The following PCDHA5 variants were observed in gnomAD, a reference collection of about 807,000 sequenced individuals.
PCDHA5 encodes the protein protocadherin alpha-5.
PCDHA5 carries 43 observed loss-of-function variants against 61.6 expected under a neutral mutation model. The observed-to-expected ratio is 0.70, with a 90% confidence interval of 0.55 to 0.90. The LOEUF (loss-of-function observed/expected upper bound fraction) is 0.90. PCDHA5 is among the 40% of genes least tolerant of loss of function. The probability of loss-of-function intolerance (pLI) is 0.00; values close to 1 mark genes in which losing one functional copy is unlikely to be tolerated. For synonymous variants in PCDHA5, 627 were observed against 543.9 expected (o/e 1.15, Z -2.13); for missense variants, 1,298 against 1,222.7 (o/e 1.06, Z -0.92).
At chr5:140,998,055 T>C (rs2097794971) in intron 3 of PCDHA5, among the ~76,000 whole-genome samples, 1 of 152,190 alleles carries the variant, frequency 6.6e-6, no homozygotes, top group Non-Finnish European at 1.5e-5. Flanking sequence ...AGTGACATCA[T>C]CATCAACAGA....
intron 1 of PCDHA5, chr5:140,862,315 C>G (rs1554156143): frequency 3.2e-6 from 1 of 317,246 alleles, no homozygotes; most frequent in African/African-American, 2.2e-5. Context: ...CCGTCATAGC[C>G]CTAATCAGTG....
intron 1 of PCDHA5, among the ~76,000 whole-genome samples, chr5:140,915,885 G>A (rs1487160672): frequency 6.6e-6 from 1 of 152,204 alleles, no homozygotes; most frequent in Admixed American, 6.5e-5. Context: ...AGGGTAGCAA[G>A]TTCCCCCTGG....
At chr5:140,872,883 A>G (rs1249618014) in intron 1 of PCDHA5, among the ~76,000 whole-genome samples, 1 of 152,204 alleles carries the variant, frequency 6.6e-6, no homozygotes, top group Non-Finnish European at 1.5e-5. Flanking sequence ...AGTTTCATTC[A>G]TCTCACTTTG....
chr5:140,869,511 A>G, intron 1 of PCDHA5: 1 of 1,614,194 alleles, frequency 6.2e-7, no homozygotes, highest in Non-Finnish European at 8.5e-7. Context: ...TCTCGCTCAG[A>G]GAACAAAAGC....
At chr5:140,882,180 AG>A (rs2058993159) in intron 1 of PCDHA5, 1 of 1,518,026 alleles carries the variant, frequency 6.6e-7, no homozygotes. Flanking sequence ...CTTCCGCACT[AG>A]GAAGCCATAA....
In PCDHA5 at chr5:140,851,034, C is replaced by T. The variant is rs2041932722; in HGVS notation, c.2352+26907C>T. On this transcript the variant is annotated intron_variant, in intron 1 of 3. Coordinates refer to ENST00000529859, the MANE Select transcript of PCDHA5 (RefSeq NM_018908.3). ...TTTTCTGATAAAGTAAACCCCTTAA[C>T]ATTGGAGCCGACTTTGTCTTGACTT... The T allele has an allele frequency of 3.1e-5, 44 of 1,402,710 alleles. 5 individuals are homozygous for T. Among genetic ancestry groups the T allele is most frequent in the Non-Finnish European group, 4.0e-5 (43 of 1,068,930 alleles). 86.9% of individuals were successfully genotyped at this position (1,402,710 alleles called of 1,614,324 possible).
intron 1 of PCDHA5, chr5:140,835,598 T>C (rs2150239108): frequency 2.1e-5 from 34 of 1,613,804 alleles, no homozygotes; most frequent in African/African-American, 4.0e-5. Flanking sequence ...AGAATTACTA[T>C]TCATTGGTGC....
At chr5:140,835,721 C>T (rs2150243026) in intron 1 of PCDHA5, 10 of 1,613,816 alleles carry the variant, frequency 6.2e-6, no homozygotes, top group Non-Finnish European at 8.5e-6. Context: ...TGGAGGTGGC[C>T]GACGTGAACG....
intron 3 of PCDHA5, 128 bp downstream of exon 3, chr5:140,982,691 C>T: frequency 7.1e-7 from 1 of 1,408,152 alleles, no homozygotes; most frequent in Non-Finnish European, 9.3e-7. Context: ...TTTTTCCATA[C>T]ATACATGATT....
At chr5:140,836,443 C>A (rs1774486364) in intron 1 of PCDHA5, 5 of 1,613,726 alleles carry the variant, frequency 3.1e-6, no homozygotes, top group African/African-American at 1.3e-5. Flanking sequence ...TTGGGCATTG[C>A]AGGCCCAGAG....
chr5:140,926,921 G>A (rs1554203799), intron 1 of PCDHA5: 3 of 1,571,110 alleles, frequency 1.9e-6, no homozygotes, highest in African/African-American at 2.7e-5. Flanking sequence ...GCAGTTTTAT[G>A]TTTGTGGGTT....
chr5:140,884,003 G>A, intron 1 of PCDHA5: 4 of 1,613,086 alleles, frequency 2.5e-6, no homozygotes, highest in African/African-American at 1.3e-5. Flanking sequence ...CACAGTGAGC[G>A]AGCTGATGCC....
intron 1 of PCDHA5, among the ~76,000 whole-genome samples, chr5:140,912,895 A>G (rs781884731): frequency 4.6e-5 from 7 of 152,212 alleles, no homozygotes; most frequent in Non-Finnish European, 1.0e-4. Context: ...TGTTGATATG[A>G]TGTATCATAT....
Position 140,848,795 on chromosome 5 carries a change from G to A in PCDHA5, c.2352+24668G>A. 3 of 1,592,816 alleles carry A rather than the reference G, an allele frequency of 1.9e-6. 1 individual carries two copies. Among genetic ancestry groups the A allele is most frequent in the Non-Finnish European group, 2.6e-6 (3 of 1,163,690 alleles). On this transcript the variant is annotated intron_variant, in intron 1 of 3. Transcript: ENST00000529859. ...GCGAGGAGCTGTGCGGGCGGAGCGC[G>A]GAGTGCAGCATCCACCTGGAGGTGA...
In PCDHA5 at chr5:140,842,828, T is replaced by G. The variant is rs2150345538; in HGVS notation, c.2352+18701T>G. 123 of 1,593,622 alleles carry G rather than the reference T, an allele frequency of 7.7e-5. 15 individuals carry two copies. Among genetic ancestry groups the G allele is most frequent in the Admixed American group, 1.7e-4 (10 of 59,284 alleles). ...TGTGGAGCGGCGGGTGGGCGAGCGCTCGCTGTCGAGCTACATTTCGGTGCA... is the reference window on the plus strand; with the variant it reads ...TGTGGAGCGGCGGGTGGGCGAGCGCGCGCTGTCGAGCTACATTTCGGTGCA... On this transcript the variant is annotated intron_variant, in intron 1 of 3. Coordinates refer to ENST00000529859, the MANE Select transcript of PCDHA5 (RefSeq NM_018908.3).
Position 140,849,766 on chromosome 5 carries a change from T to C in PCDHA5, c.2352+25639T>C. 1.9e-6 allele frequency: 3 copies of C among 1,598,326 alleles called. 1 individual carries two copies. Among genetic ancestry groups the C allele is most frequent in the Middle Eastern group, 1.7e-4 (1 of 5,858 alleles). On this transcript the variant is annotated intron_variant, in intron 1 of 3. Coordinates refer to ENST00000529859, the MANE Select transcript of PCDHA5 (RefSeq NM_018908.3). The stretch of plus-strand genomic sequence containing the variant: ...GAGAGTGTGTCCGCCTACGAGCTGG[T>C]GGTTACCGCGCGGGACGGGGGCTCG...
At chr5:140,897,086 T>G (rs527763854) in intron 1 of PCDHA5, among the ~76,000 whole-genome samples, 379 of 152,296 alleles carry the variant, frequency 2.5e-3, no homozygotes, top group African/African-American at 8.4e-3. Context: ...TTCTATTTTT[T>G]ATCCTCATTA....
chr5:140,956,820 G>C (rs246011), intron 1 of PCDHA5, among the ~76,000 whole-genome samples: 85,659 of 151,910 alleles, frequency 0.56, 24,765 homozygotes, highest in African/African-American at 0.69. Context: ...GCTTCAATTT[G>C]TAATTTAATA....
At chr5:140,963,911 T>C (rs2095797811) in intron 1 of PCDHA5, among the ~76,000 whole-genome samples, 1 of 152,238 alleles carries the variant, frequency 6.6e-6, no homozygotes, top group African/African-American at 2.4e-5. Context: ...AAGTGAAGCT[T>C]AGGCTAAGTA....
Sources: allele counts gnomAD v4.1 joint callset (sites outside exome capture counted in the v4.1 genomes callset), GRCh38; gene constraint gnomAD v4.1.1; transcripts MANE v1.5; gene names NCBI Gene and HGNC (gene_info 2026-07-23, HGNC 2026-07-21).